Variants in ZNF721 observed in about 807,000 individuals in gnomAD.
ZNF721 encodes zinc finger protein 721.
In ZNF721, 2 loss-of-function variants were observed where a neutral mutation model predicts 2.4. That is an observed-to-expected ratio of 0.82 (90% CI 0.34 to 2.58). ZNF721 has a LOEUF of 2.58. Among genes scored for constraint, ZNF721 ranks in the 30% most tolerant of loss-of-function variants. The pLI, the probability that ZNF721 is intolerant of heterozygous loss-of-function variation, is 0.11. For synonymous variants in ZNF721, 398 were observed against 381.8 expected, an observed-to-expected ratio of 1.04 and a Z score of -0.50; for missense variants, 1,187 against 1,085.5, an observed-to-expected ratio of 1.09 and a Z score of -1.31.
intron 1 of ZNF721, among the ~76,000 whole-genome samples, chr4:498,065 C>T (rs1560251584): frequency 6.6e-6 from 1 of 151,560 alleles, no homozygotes; most frequent in Non-Finnish European, 1.5e-5. Context: ...ATTAGCCGTG[C>T]GTGGTGGCAC....
At chr4:470,571 A>C (rs897092311) in intron 2 of ZNF721, among the ~76,000 whole-genome samples, 3 of 152,082 alleles carry the variant, frequency 2.0e-5, no homozygotes, top group African/African-American at 7.2e-5. Context: ...AAATTAGCCA[A>C]GTCTAGTGGT....
At chr4:488,593 A>T (rs1715950434) in intron 1 of ZNF721, among the ~76,000 whole-genome samples, 1 of 152,194 alleles carries the variant, frequency 6.6e-6, no homozygotes, top group Non-Finnish European at 1.5e-5. Flanking sequence ...GCACTTTGGG[A>T]GGCCGAGGCA....
intron 2 of ZNF721, among the ~76,000 whole-genome samples, chr4:462,835 G>A (rs1049225806): frequency 5.3e-5 from 8 of 151,994 alleles, no homozygotes; most frequent in African/African-American, 1.2e-4. Context: ...TTCAGGACAC[G>A]GGCATGGGCA....
chr4:447,187 G>A (rs1358163035), intron 2 of ZNF721, among the ~76,000 whole-genome samples: 1 of 151,930 alleles, frequency 6.6e-6, no homozygotes, highest in Non-Finnish European at 1.5e-5. Context: ...GCCAGGTGTG[G>A]TGGCAGGCAC....
chr4:497,989 G>A (rs1716322564), intron 1 of ZNF721, among the ~76,000 whole-genome samples: 2 of 151,512 alleles, frequency 1.3e-5, no homozygotes, highest in African/African-American at 4.8e-5. Flanking sequence ...GGCGGATCAC[G>A]AGGTCAGGAG....
chr4:463,781 T>C (rs1057082410), intron 2 of ZNF721, among the ~76,000 whole-genome samples: 1 of 152,020 alleles, frequency 6.6e-6, no homozygotes, highest in South Asian at 2.1e-4. Context: ...AGGGGAGGGA[T>C]AGCATTAGGA....
chr4:484,128 T>C (rs1400878227), intron 1 of ZNF721, among the ~76,000 whole-genome samples: 2 of 152,238 alleles, frequency 1.3e-5, no homozygotes, highest in African/African-American at 2.4e-5. Flanking sequence ...CCTAAATTAA[T>C]ACTTTTGTAA....
chr4:471,624 T>G (rs1715436977), intron 2 of ZNF721, among the ~76,000 whole-genome samples: 1 of 150,444 alleles, frequency 6.6e-6, no homozygotes, highest in Non-Finnish European at 1.5e-5. Context: ...AGGAGAAACC[T>G]AAGGAGAAAC....
intron 1 of ZNF721, among the ~76,000 whole-genome samples, chr4:495,162 A>G (rs1304886427): frequency 6.6e-6 from 1 of 152,034 alleles, no homozygotes; most frequent in Non-Finnish European, 1.5e-5. Context: ...GATTACAAAC[A>G]TAAGCCACCG....
intron 2 of ZNF721, among the ~76,000 whole-genome samples, chr4:459,489 T>C (rs547536919): frequency 1.1e-4 from 16 of 148,852 alleles, no homozygotes; most frequent in Admixed American, 3.3e-4. Context: ...AAAGCAGCAG[T>C]TGCAATCCTA....
chr4:483,138 G>A (rs1186872672), intron 1 of ZNF721, among the ~76,000 whole-genome samples: 1 of 152,176 alleles, frequency 6.6e-6, no homozygotes, highest in East Asian at 1.9e-4. Context: ...AAACAGAAAT[G>A]AGACATAATT....
intron 2 of ZNF721, among the ~76,000 whole-genome samples, chr4:460,606 TAG>T (rs562439372): frequency 2.9e-4 from 34 of 119,054 alleles, no homozygotes; most frequent in African/African-American, 9.7e-4. Context: ...CTGGAGGAAA[TAG>T]AGACACGAAA....
chr4:440,715 G>A lies in ZNF721; in HGVS notation c.*980C>T, dbSNP rs1327543631. 3 of 152,054 alleles carry A rather than the reference G, an allele frequency of 2.0e-5. No homozygotes were observed. Among genetic ancestry groups the A allele is most frequent in the Admixed American group, 6.5e-5 (1 of 15,270 alleles). 9.4% of individuals were successfully genotyped at this position (152,054 alleles called of 1,614,324 possible). On this transcript the variant is annotated 3_prime_UTR_variant, in exon 3 of 3. Coordinates refer to ENST00000511833, the MANE Select transcript of ZNF721 (RefSeq NM_133474.4). ...AGTTTCACTCTTGTTACCCAGGCTG[G>A]AGTGCAATGGCACGATCTCAGCTCA...
chr4:459,728 G>C (rs1426576361), intron 2 of ZNF721, among the ~76,000 whole-genome samples: 2 of 151,990 alleles, frequency 1.3e-5, no homozygotes, highest in Non-Finnish European at 2.9e-5. Flanking sequence ...CTACTCAGGA[G>C]GCTGAGGCAG....
intron 2 of ZNF721, among the ~76,000 whole-genome samples, chr4:468,082 G>GGGTAACA (rs1715312266): frequency 1.3e-5 from 2 of 151,996 alleles, no homozygotes; most frequent in African/African-American, 2.4e-5. Context: ...GATCGAGACC[G>GGGTAACA]CGGTGAAACC....
intron 1 of ZNF721, among the ~76,000 whole-genome samples, chr4:475,425 A>G (rs1403155593): frequency 6.6e-6 from 1 of 152,056 alleles, no homozygotes; most frequent in Non-Finnish European, 1.5e-5. Context: ...TAATCTGAGT[A>G]TTGATCTCTC....
At chr4:472,411 A>C (rs1046598728) in intron 2 of ZNF721, among the ~76,000 whole-genome samples, 164 bp downstream of exon 2, 5 of 152,254 alleles carry the variant, frequency 3.3e-5, no homozygotes, top group African/African-American at 4.8e-5. Context: ...GTTTCTGAGA[A>C]TCTATCAACA....
At chr4:467,786 AGTCACAGTCC>A (rs1161417820) in intron 2 of ZNF721, among the ~76,000 whole-genome samples, 35 of 152,226 alleles carry the variant, frequency 2.3e-4, no homozygotes, top group Admixed American at 9.2e-4. Context: ...AGCCATTTGT[AGTCACAGTCC>A]GTGGCCACTC....
intron 1 of ZNF721, among the ~76,000 whole-genome samples, chr4:479,429 A>G (rs1403463468): frequency 6.6e-6 from 1 of 152,188 alleles, no homozygotes; most frequent in African/African-American, 2.4e-5. Flanking sequence ...GGTTGGGCAC[A>G]TGGATCCCTA....
Sources: gnomAD v4.1 joint callset for allele counts (sites outside exome capture counted in the v4.1 genomes callset) on GRCh38, gnomAD v4.1.1 for gene constraint, MANE v1.5 for transcripts, NCBI Gene and HGNC (gene_info 2026-07-23, HGNC 2026-07-21) for gene names.